Variants in ZNF487 observed in about 807,000 individuals in gnomAD.
ZNF487 encodes the protein zinc finger protein 487.
A neutral mutation model predicts 3.0 loss-of-function variants in ZNF487; 4 were observed. The observed-to-expected ratio is 1.35, with a 90% CI of 0.66 to 3.08. The LOEUF is 3.08. Among genes scored for constraint, ZNF487 ranks in the 30% most tolerant of loss-of-function variants. The probability of loss-of-function intolerance (pLI) is 0.01; values close to 1 mark genes in which losing one functional copy is unlikely to be tolerated. For missense variants in ZNF487, 146 were observed against 98.7 expected, an observed-to-expected ratio of 1.48 and a Z score of -2.03; for synonymous variants, 55 against 34.6, an observed-to-expected ratio of 1.59 and a Z score of -2.06.
At chr10:43,523,645 T>C in the ZNF487 span, 1 of 152,776 alleles carries the variant, frequency 6.5e-6, no homozygotes, top group East Asian at 1.9e-4. Flanking sequence ...AAGCAAATTT[T>C]TGAATACCTT....
chr10:43,478,589 C>T (rs1328954830), intron 3 of ZNF487, among the ~76,000 whole-genome samples: 2 of 151,914 alleles, frequency 1.3e-5, no homozygotes, highest in Non-Finnish European at 2.9e-5. Flanking sequence ...CAGGCATGGT[C>T]ATACACCAGT....
intron 1 of ZNF487, among the ~76,000 whole-genome samples, chr10:43,465,124 G>A (rs1387331843): frequency 9.0e-5 from 11 of 122,086 alleles, no homozygotes; most frequent in African/African-American, 3.3e-4. Context: ...CGGATGGGGC[G>A]GCTGGCCGGG....
the ZNF487 span, among the ~76,000 whole-genome samples, chr10:43,490,983 C>T: frequency 6.8e-5 from 9 of 132,566 alleles, no homozygotes; most frequent in African/African-American, 6.2e-5. Context: ...CTTTTTTTTT[C>T]TTTTTTTTTT....
At chr10:43,470,629 C>T (rs1483360898) in intron 1 of ZNF487, among the ~76,000 whole-genome samples, 2 of 152,078 alleles carry the variant, frequency 1.3e-5, no homozygotes, top group Non-Finnish European at 2.9e-5. Flanking sequence ...AGGTGATCCA[C>T]CTGCCTCGGC....
downstream of ZNF487, among the ~76,000 whole-genome samples, chr10:43,484,937 C>T (rs1841458997): frequency 6.6e-6 from 1 of 152,168 alleles, no homozygotes; most frequent in Admixed American, 6.5e-5. Flanking sequence ...CATTGGGATA[C>T]ATGTGTTTAC....
intron 1 of ZNF487, among the ~76,000 whole-genome samples, chr10:43,437,655 C>T (rs1260880879): frequency 1.3e-5 from 2 of 152,070 alleles, no homozygotes; most frequent in Admixed American, 6.6e-5. Flanking sequence ...ACATTCACAT[C>T]CTTAAGAGTC....
intron 1 of ZNF487, among the ~76,000 whole-genome samples, chr10:43,445,228 A>G (rs1839756447): frequency 6.6e-6 from 1 of 151,696 alleles, no homozygotes; most frequent in Non-Finnish European, 1.5e-5. Context: ...GGCTCAAGCA[A>G]TTTTCTCACC....
the ZNF487 span, among the ~76,000 whole-genome samples, chr10:43,517,024 G>A: frequency 1.3e-5 from 2 of 152,224 alleles, no homozygotes; most frequent in Non-Finnish European, 2.9e-5. Flanking sequence ...TTGTAGGCAA[G>A]ATCTCAACTG....
chr10:43,454,243 GGTTTCACCAT>G (rs1207486293), intron 1 of ZNF487: 1 of 151,996 alleles, frequency 6.6e-6, no homozygotes, highest in Non-Finnish European at 1.5e-5. Flanking sequence ...GTAGAGATAG[GGTTTCACCAT>G]GTTGCCCAGG....
intron 1 of ZNF487, among the ~76,000 whole-genome samples, chr10:43,473,815 C>T (rs928591383): frequency 2.0e-5 from 3 of 151,972 alleles, no homozygotes; most frequent in African/African-American, 7.3e-5. Context: ...CACTTGAGCC[C>T]AGGAGTTTGA....
the ZNF487 span, among the ~76,000 whole-genome samples, chr10:43,519,005 T>C: frequency 6.6e-6 from 1 of 152,224 alleles, no homozygotes; most frequent in Admixed American, 6.5e-5. Flanking sequence ...ATATTTTTAA[T>C]TCATCACTTG....
At chr10:43,459,042 G>T (rs1482653684) in intron 1 of ZNF487, among the ~76,000 whole-genome samples, 1 of 152,050 alleles carries the variant, frequency 6.6e-6, no homozygotes, top group East Asian at 1.9e-4. Context: ...GGATACTTTA[G>T]TGCTTGCCTT....
chr10:43,482,623 TA>T lies in ZNF487; in HGVS notation c.*705del. The T allele has an allele frequency of 2.0e-6, 1 of 498,506 alleles. No homozygotes were observed. 30.9% of individuals were successfully genotyped at this position (498,506 alleles called of 1,614,324 possible). On this transcript the variant is annotated 3_prime_UTR_variant, in exon 4 of 4. Coordinates refer to ENST00000437590, the MANE Select transcript of ZNF487 (RefSeq NM_001355444.3). The stretch of plus-strand genomic sequence containing the variant: ...AAAGCCTTTGGTGATAGGTCAGCTC[TA>T]AAAGTACATCAGAGAATACATACTG...
chr10:43,460,354 G>GAA (rs1198210599), intron 1 of ZNF487, among the ~76,000 whole-genome samples: 1 of 149,006 alleles, frequency 6.7e-6, no homozygotes, highest in East Asian at 2.0e-4. Flanking sequence ...CTTTGTTCCT[G>GAA]AAAGAGTCTG....
chr10:43,486,844 C>T (rs1321552809), downstream of ZNF487, among the ~76,000 whole-genome samples: 1 of 152,168 alleles, frequency 6.6e-6, no homozygotes, highest in Non-Finnish European at 1.5e-5. Flanking sequence ...AGATAGCCAG[C>T]TAGCCTGTAT....
chr10:43,479,963 TTTCTTTC>T (rs1387960854), intron 3 of ZNF487, among the ~76,000 whole-genome samples: 1 of 45,714 alleles, frequency 2.2e-5, no homozygotes, highest in East Asian at 1.1e-3. Flanking sequence ...ACTCTCTTTC[TTTCTTTC>T]TTTTCTTTCT....
intron 1 of ZNF487, chr10:43,453,901 T>G (rs1389970953): frequency 1.3e-5 from 2 of 152,140 alleles, no homozygotes; most frequent in African/African-American, 4.8e-5. Context: ...GCCTGATGAG[T>G]ATAATGCTCT....
At chr10:43,455,941 T>C (rs2250444) in intron 1 of ZNF487, among the ~76,000 whole-genome samples, 105,297 of 152,202 alleles carry the variant, frequency 0.69, 38,107 homozygotes, top group Non-Finnish European at 0.8. Flanking sequence ...GACCTCGGGG[T>C]TCACCGCTCT....
chr10:43,441,926 T>C (rs1267949213), intron 1 of ZNF487, among the ~76,000 whole-genome samples: 1 of 152,188 alleles, frequency 6.6e-6, no homozygotes, highest in Non-Finnish European at 1.5e-5. Flanking sequence ...ATAAGGTTGT[T>C]TATAAAATAT....
Sources: gnomAD v4.1 joint callset for allele counts (sites outside exome capture counted in the v4.1 genomes callset) on GRCh38, gnomAD v4.1.1 for gene constraint, MANE v1.5 for transcripts, NCBI Gene and HGNC (gene_info 2026-07-23, HGNC 2026-07-21) for gene names.